The following FLII variants were observed in gnomAD, a reference collection of about 807,000 sequenced individuals.
FLII encodes protein flightless-1 homolog.
A neutral mutation model predicts 156.2 loss-of-function variants in FLII; 101 were observed. The ratio of observed to expected loss-of-function variants is 0.65; its 90% CI spans 0.55 to 0.76. The LOEUF is 0.76. Among genes scored for constraint, FLII ranks in the 30% least tolerant of loss-of-function variants. The probability of loss-of-function intolerance (pLI) is 0.00; values close to 1 mark genes in which losing one functional copy is unlikely to be tolerated. For missense variants in FLII, 1,675 were observed against 1,682.8 expected, an observed-to-expected ratio of 1.00 and a Z score of 0.08; for synonymous variants, 767 against 685.8, an observed-to-expected ratio of 1.12 and a Z score of -1.85.
chr17:18,252,570 G>A lies in FLII; in HGVS notation c.1014-14C>T. 1 of 1,608,390 alleles carries A rather than the reference G, an allele frequency of 6.2e-7. No homozygotes were observed. Among genetic ancestry groups the A allele is most frequent in the Non-Finnish European group, 8.5e-7 (1 of 1,175,434 alleles). On this transcript the variant is annotated splice_polypyrimidine_tract_variant and intron_variant, in intron 9 of 29. Transcript: ENST00000327031. ...AGCTTTGGGCACCTGTGAAGACAGGGCCAGCCAGGGCCTCAGGCAGGTGAC... is the reference window on the plus strand; with the variant it reads ...AGCTTTGGGCACCTGTGAAGACAGGACCAGCCAGGGCCTCAGGCAGGTGAC...
In FLII at chr17:18,247,831, G is replaced by A; in HGVS notation, c.2313C>T (p.Asp771=). Residue 771 remains aspartate (D), a synonymous_variant, in exon 20 of 30, where the codon GAC becomes GAT. Transcript: ENST00000327031. Reference sequence around the variant, plus strand: ...AGTCCAGAATGTACACGCAGCGCGTGTCCAGCAGACTCTGCAGCTGCGGAC... The same window carrying A: ...AGTCCAGAATGTACACGCAGCGCGTATCCAGCAGACTCTGCAGCTGCGGAC... ...PRMRLLQSLL[D]TRCVYILDCW... 3 of 1,613,792 alleles carry A rather than the reference G, an allele frequency of 1.9e-6. No individual in the cohort carries two copies. In the African/African-American group the frequency reaches 4.0e-5, roughly 21 times the overall value.
chr17:18,254,730 C>T (rs2048367275), intron 5 of FLII, 39 bp downstream of exon 5: 1 of 1,613,854 alleles, frequency 6.2e-7, no homozygotes, highest in African/African-American at 1.3e-5. Context: ...AGCCACCCCA[C>T]AGGGCCCACC....
chr17:18,254,067 G>T lies in FLII; in HGVS notation c.679+12C>A. ...GGGCCCGAGCTCAGAGGGGCTCCTGGGGCTGCCTGACCTGCGAGGTTGCTC... is the reference window on the plus strand; with the variant it reads ...GGGCCCGAGCTCAGAGGGGCTCCTGTGGCTGCCTGACCTGCGAGGTTGCTC... On this transcript the variant is annotated intron_variant, in intron 7 of 29. Transcript: ENST00000327031. The T allele has an allele frequency of 6.3e-7, 1 of 1,599,828 alleles. No individual in the cohort carries two copies. The highest frequency in any genetic ancestry group is 8.5e-7 in the Non-Finnish European group (1 of 1,170,964).
intron 20 of FLII, 51 bp downstream of exon 20, chr17:18,247,606 T>A: frequency 1.4e-6 from 2 of 1,474,400 alleles, no homozygotes; most frequent in Non-Finnish European, 1.8e-6. Flanking sequence ...GGTCAGGGCA[T>A]GTCAGGGTGC....
Position 18,247,677 on chromosome 17 carries a change from G to A in FLII, c.2467C>T (p.Leu823Phe), listed in dbSNP as rs1171818979. 5 of 1,596,496 alleles carry A rather than the reference G, an allele frequency of 3.1e-6. No homozygotes were observed. The East Asian group carries it at 1.1e-4, about 36-fold the overall frequency. The part of the protein sequence containing the change: ...RPRHATVSRS[L>F]EGTEAQVFKA... Reference sequence around the variant, plus strand: ...CGCACCTGCGCCTCGGTGCCCTCGAGGCTGCGGCTGACCGTGGCATGGCGT... The same window carrying A: ...CGCACCTGCGCCTCGGTGCCCTCGAAGCTGCGGCTGACCGTGGCATGGCGT... The change falls in exon 20 of 30, where the codon CTC becomes TTC. Residue 823 changes from leucine (L) to phenylalanine (F), a missense_variant. Coordinates refer to ENST00000327031, the MANE Select transcript of FLII (RefSeq NM_002018.4).
In FLII at chr17:18,257,016, C is replaced by A; in HGVS notation, c.67G>T (p.Gly23Cys). Residue 23 changes from glycine (G) to cysteine (C), a missense_variant, in exon 2 of 30, where the codon GGC becomes TGC. This residue lies in a region of FLII where 343 missense variants were observed against 413.5 expected (regional missense o/e 0.83). Transcript: ENST00000327031. ...GCCTTGACATTCTCAGGGAAGTAGCCGCCCTGGGGGAAGGATGTCAAGGTG... is the reference window on the plus strand; with the variant it reads ...GCCTTGACATTCTCAGGGAAGTAGCAGCCCTGGGGGAAGGATGTCAAGGTG... ...VDLSGNDFKG[G>C]YFPENVKAMT... The A allele has an allele frequency of 6.3e-7, 1 of 1,599,396 alleles. No homozygotes were observed. The highest frequency in any genetic ancestry group is 8.5e-7 in the Non-Finnish European group (1 of 1,171,926).
intron 14 of FLII, among the ~76,000 whole-genome samples, chr17:18,249,618 T>C (rs990172795): frequency 6.6e-5 from 10 of 150,730 alleles, no homozygotes; most frequent in East Asian, 4.0e-4. Flanking sequence ...GGAGAAACCC[T>C]GTCTCTACTA....
Position 18,258,413 on chromosome 17 carries a change from G to T in FLII, c.63+215C>A. Reference sequence around the variant, plus strand: ...GGCGGGACTCCGAGCCCAAGCGTCCGTCCCCGGCCTGCCCAGCCTCGGTCT... The same window carrying T: ...GGCGGGACTCCGAGCCCAAGCGTCCTTCCCCGGCCTGCCCAGCCTCGGTCT... On this transcript the variant is annotated intron_variant, in intron 1 of 29. Coordinates refer to ENST00000327031, the MANE Select transcript of FLII (RefSeq NM_002018.4). This position sits in a 1 kb window ranked among gnomAD's most constrained non-coding sequence, Gnocchi z 4.2. 7.1e-7 allele frequency: 1 copy of T among 1,405,218 alleles called. No homozygotes were observed. Among genetic ancestry groups the T allele is most frequent in the Non-Finnish European group, 9.5e-7 (1 of 1,049,864 alleles). The allele number at this position is 1,405,218 out of a possible 1,614,324, so 87.0% of individuals were successfully genotyped here.
In FLII at chr17:18,246,962, C is replaced by T; in HGVS notation, c.2767G>A (p.Glu923Lys). Reference protein sequence around the residue: ...EGKKFARLPEEEFGHFYTQDC... With the variant: ...EGKKFARLPEKEFGHFYTQDC... ...TGCGTGTAGAAGTGGCCAAACTCCT[C>T]TTCCGGCAGCCGCGCAAACTTCTTG... is the stretch of plus-strand genomic sequence containing the variant. Residue 923 changes from glutamate to lysine, a missense_variant, in exon 22 of 30, where the codon GAG (glutamate) becomes AAG (lysine). Physicochemically the swap from Glu to Lys is moderately conservative, Grantham distance 56. Around this residue, in one of 2 missense-constraint regions of FLII, gnomAD observed 1,332 missense variants for 1,269.3 expected, o/e 1.05. Transcript: ENST00000327031. 1 of 1,614,160 alleles carries T rather than the reference C, an allele frequency of 6.2e-7. No homozygotes were observed. The highest frequency in any genetic ancestry group is 1.1e-5 in the South Asian group (1 of 91,088).
intron 6 of FLII, 21 bp from the exon 7 acceptor site, chr17:18,254,203 G>A (rs1434303443): frequency 6.3e-7 from 1 of 1,582,628 alleles, no homozygotes; most frequent in Non-Finnish European, 8.6e-7. Flanking sequence ...GACGTGAGTG[G>A]TCAGGGCCAG....
At position 18,246,657 on chromosome 17, in the gene FLII, G is replaced by A. The variant is rs2048068171; in HGVS notation, c.2988C>T (p.Gly996=). The A allele has an allele frequency of 6.2e-7, 1 of 1,613,936 alleles. No individual in the cohort carries two copies. The highest frequency in any genetic ancestry group is 2.2e-5 in the East Asian group (1 of 44,878). The change falls in exon 23 of 30, where the codon GGC becomes GGT. Residue 996 remains glycine (G), a synonymous_variant. Coordinates refer to ENST00000327031, the MANE Select transcript of FLII (RefSeq NM_002018.4). ...FWQGREASNM[G]WLTFTFSLQK... is the part of the protein sequence containing the mutation. ...GCAGGCTGAAGGTGAAGGTGAGCCA[G>A]CCCATATTGGAGGCTTCACGGCCCT...
In FLII at chr17:18,251,498, C is replaced by G. The variant is rs780391963; in HGVS notation, c.1384-21G>C. 1.6e-5 allele frequency: 26 copies of G among 1,587,148 alleles called. No homozygotes were observed. In the East Asian group the frequency reaches 5.6e-4, roughly 34 times the overall value. ...CTCTCCTGGGGGCAGAGTCACAGAGCACGGCTTGACTCTGTGAAGCCACTC... is the reference window on the plus strand; with the variant it reads ...CTCTCCTGGGGGCAGAGTCACAGAGGACGGCTTGACTCTGTGAAGCCACTC... On this transcript the variant is annotated intron_variant, in intron 12 of 29. Transcript: ENST00000327031.
chr17:18,246,068 G>C lies in FLII; in HGVS notation c.3268-6C>G. The C allele has an allele frequency of 6.2e-7, 1 of 1,614,140 alleles. No individual in the cohort carries two copies. The highest frequency in any genetic ancestry group is 8.5e-7 in the Non-Finnish European group (1 of 1,180,026). On this transcript the variant is annotated splice_region_variant and splice_polypyrimidine_tract_variant and intron_variant, in intron 25 of 29. Transcript: ENST00000327031. ...TCCTCACTCTCAAAGGGAACCTGGG[G>C]AGTGTGCAGGGGTGGGGGTGTTCGC...
At position 18,248,772 on chromosome 17, in the gene FLII, C is replaced by T. The variant is rs1372127572; in HGVS notation, c.2018+28G>A. 5.0e-6 allele frequency: 8 copies of T among 1,614,044 alleles called. No homozygotes were observed. The South Asian group carries it at 6.6e-5, about 13-fold the overall frequency. On this transcript the variant is annotated intron_variant, in intron 17 of 29. Coordinates refer to ENST00000327031, the MANE Select transcript of FLII (RefSeq NM_002018.4). ...GCGAGGCTCACACCCCTTTCCTTCA[C>T]ACAAAAGACCCCACGGTGTCCTTGT...
chr17:18,245,651 G>C lies in FLII; in HGVS notation c.3513C>G (p.Asn1171Lys). 1 of 1,613,672 alleles carries C rather than the reference G, an allele frequency of 6.2e-7. No homozygotes were observed. Among genetic ancestry groups the C allele is most frequent in the Non-Finnish European group, 8.5e-7 (1 of 1,179,952 alleles). Residue 1171 changes from asparagine (N) to lysine (K), a missense_variant, in exon 28 of 30, where the codon AAC becomes AAG. Asn to Lys is a moderately conservative substitution (Grantham distance 94, BLOSUM62 0). Around this residue, in one of 2 missense-constraint regions of FLII, gnomAD observed 1,332 missense variants for 1,269.3 expected, o/e 1.05. Coordinates refer to ENST00000327031, the MANE Select transcript of FLII (RefSeq NM_002018.4). ...CAGTCACTGCAAAGTAGCCCTTCTCGTTGGAGCACCTGGGAATCAAGGGTC... is the reference window on the plus strand; with the variant it reads ...CAGTCACTGCAAAGTAGCCCTTCTCCTTGGAGCACCTGGGAATCAAGGGTC... ...MKHTRLFRCSNEKGYFAVTEK... is the reference protein window; with the variant it reads ...MKHTRLFRCSKEKGYFAVTEK...
In FLII at chr17:18,245,969, G is replaced by A. The variant is rs377168924; in HGVS notation, c.3361C>T (p.Leu1121=). Residue 1121 remains leucine, a synonymous_variant, in exon 26 of 30, where the codon CTG becomes TTG. Coordinates refer to ENST00000327031, the MANE Select transcript of FLII (RefSeq NM_002018.4). ...TAGGAGGTGTCAAACATGGTGTTCAGGATGTCTTCTGCCAACTTGGCTTCG... is the reference window on the plus strand; with the variant it reads ...TAGGAGGTGTCAAACATGGTGTTCAAGATGTCTTCTGCCAACTTGGCTTCG... ...PDEAKLAEDI[L]NTMFDTSYSK... is the part of the protein sequence containing the mutation. 8 of 1,613,942 alleles carry A rather than the reference G, an allele frequency of 5.0e-6. No individual in the cohort carries two copies. The African/African-American group carries it at 1.1e-4, about 22-fold the overall frequency.
At position 18,245,343 on chromosome 17, in the gene FLII, A is replaced by C. The variant is rs761833143; in HGVS notation, c.3675+11T>G. 1 of 1,614,000 alleles carries C rather than the reference A, an allele frequency of 6.2e-7. No individual in the cohort carries two copies. The highest frequency in any genetic ancestry group is 1.1e-5 in the South Asian group (1 of 91,070). ...ACAGGCCCACCTCGGCCCTCCCTCC[A>C]CCCAGATTACCTGGCAGGCCTTCAG... On this transcript the variant is annotated intron_variant, in intron 29 of 29. Transcript: ENST00000327031.
chr17:18,248,576 A>G lies in FLII; in HGVS notation c.2164T>C (p.Trp722Arg), dbSNP rs1210253333. ...TTGTACAGCTTGGGCTGCGGCGGCC[A>G]GAAGTCTTCAGGCACGTGCTTCTTG... ...EIKKHVPEDF[W>R]PPQPKLYKVG... Residue 722 changes from tryptophan to arginine, a missense_variant, in exon 18 of 30, where the codon TGG (tryptophan) becomes CGG (arginine). Trp to Arg is a moderately radical substitution (Grantham distance 101). Transcript: ENST00000327031. The G allele has an allele frequency of 1.9e-6, 3 of 1,611,990 alleles. No individual in the cohort carries two copies. In the African/African-American group the frequency reaches 4.0e-5, roughly 22 times the overall value.
Position 18,248,853 on chromosome 17 carries a change from G to A in FLII, c.1965C>T (p.Asp655=). 6.2e-7 allele frequency: 1 copy of A among 1,614,046 alleles called. No individual in the cohort carries two copies. The highest frequency in any genetic ancestry group is 8.5e-7 in the Non-Finnish European group (1 of 1,179,954). ...RFVFLLDRGL[D]IYVWRGAQAT... ...CCTGGGCCCCCCGCCATACGTAGATGTCTAGCCCTCGGTCCAGCAGGAAAA... is the reference window on the plus strand; with the variant it reads ...CCTGGGCCCCCCGCCATACGTAGATATCTAGCCCTCGGTCCAGCAGGAAAA... Residue 655 remains aspartate, a synonymous_variant, in exon 17 of 30, where the codon GAC becomes GAT. Transcript: ENST00000327031.
Sources: allele counts gnomAD v4.1 joint callset (sites outside exome capture counted in the v4.1 genomes callset), GRCh38; gene constraint gnomAD v4.1.1; regional missense constraint gnomAD v4.1.1; non-coding constraint Gnocchi (gnomAD v3.1); transcripts MANE v1.5; gene names NCBI Gene and HGNC (gene_info 2026-07-23, HGNC 2026-07-21).